Variants in CDH12 observed in about 807,000 individuals in gnomAD.
CDH12 encodes the protein cadherin-12.
Under a neutral mutation model 74.1 loss-of-function variants are expected in CDH12, and 41 were observed. That is an observed-to-expected ratio of 0.55 (90% CI 0.43 to 0.72). The LOEUF is 0.72. Ranked by LOEUF, CDH12 falls within the 30% of genes least tolerant of loss-of-function variation. The pLI is 0.00. For missense variants in CDH12, 945 were observed against 977.2 expected, an observed-to-expected ratio of 0.97 and a Z score of 0.44; for synonymous variants, 399 against 355.0, an observed-to-expected ratio of 1.12 and a Z score of -1.39.
At chr5:22,720,983 G>C (rs545271416) in intron 1 of CDH12, among the ~76,000 whole-genome samples, 1 of 152,350 alleles carries the variant, frequency 6.6e-6, no homozygotes, top group East Asian at 1.9e-4. Flanking sequence ...CCTATTTTCT[G>C]TGGAGAAATT....
At chr5:22,041,622 ATTATATATGCACC>A (rs1739577957) in intron 5 of CDH12, among the ~76,000 whole-genome samples, 1 of 152,176 alleles carries the variant, frequency 6.6e-6, no homozygotes, top group South Asian at 2.1e-4. Flanking sequence ...AGATGTAACA[ATTATATATGCACC>A]TAACATCAGA....
intron 8 of CDH12, among the ~76,000 whole-genome samples, chr5:21,834,027 G>A (rs1749392181): frequency 6.6e-6 from 1 of 151,750 alleles, no homozygotes. Flanking sequence ...ATGTATCTTT[G>A]CTTATTTTTC....
At chr5:22,072,550 G>GTGTA (rs1472083614) in intron 5 of CDH12, among the ~76,000 whole-genome samples, 2 of 151,710 alleles carry the variant, frequency 1.3e-5, no homozygotes, top group Non-Finnish European at 2.9e-5. Context: ...GTGTGTGTGT[G>GTGTA]TGTGTGTGTG....
At chr5:21,980,306 G>A (rs1217401886) in intron 5 of CDH12, among the ~76,000 whole-genome samples, 1 of 151,816 alleles carries the variant, frequency 6.6e-6, no homozygotes, top group African/African-American at 2.4e-5. Context: ...TATATTTCCT[G>A]GCGAGAGGTA....
At chr5:21,889,634 A>C in intron 6 of CDH12, 1 of 985,358 alleles carries the variant, frequency 1.0e-6, no homozygotes, top group Non-Finnish European at 1.2e-6. Context: ...GGCTTTGATA[A>C]CACAGCTTTC....
chr5:22,000,467 C>A (rs561877904), intron 5 of CDH12, among the ~76,000 whole-genome samples: 1 of 152,220 alleles, frequency 6.6e-6, no homozygotes, highest in African/African-American at 2.4e-5. Context: ...CAGGAGGACT[C>A]AACTTTGGTG....
At chr5:22,508,566 T>C (rs143645149) in intron 1 of CDH12, among the ~76,000 whole-genome samples, 4,143 of 152,224 alleles carry the variant, frequency 0.027, 190 homozygotes, top group African/African-American at 0.095. Context: ...AAGATCTGAA[T>C]AGGAAGCATT....
At chr5:22,044,088 T>TA (rs1739761754) in intron 5 of CDH12, among the ~76,000 whole-genome samples, 1 of 152,086 alleles carries the variant, frequency 6.6e-6, no homozygotes, top group South Asian at 2.1e-4. Flanking sequence ...AAAAAAATCC[T>TA]AAAAATCACA....
intron 1 of CDH12, among the ~76,000 whole-genome samples, chr5:22,830,637 C>A (rs1736559003): frequency 1.3e-5 from 2 of 150,758 alleles, no homozygotes; most frequent in Admixed American, 1.3e-4. Context: ...TCTATATTTT[C>A]TGTTTCTAAT....
chr5:22,174,383 T>C (rs1271614897), intron 4 of CDH12, among the ~76,000 whole-genome samples: 2 of 152,032 alleles, frequency 1.3e-5, no homozygotes, highest in Non-Finnish European at 2.9e-5. Context: ...AGTATGACTA[T>C]GTCCCTAATA....
intron 5 of CDH12, 62 bp from the exon 6 acceptor site, chr5:21,975,447 T>C (rs1757029632): frequency 8.6e-7 from 1 of 1,166,730 alleles, no homozygotes; most frequent in African/African-American, 1.6e-5. Context: ...AGAACACCAT[T>C]AAAAGGATGT....
chr5:22,147,646 T>C (rs1281961015), intron 4 of CDH12, among the ~76,000 whole-genome samples: 1 of 149,974 alleles, frequency 6.7e-6, no homozygotes, highest in Non-Finnish European at 1.5e-5. Context: ...TGGGGAGGCC[T>C]CACAATCATG....
At chr5:21,877,000 G>A (rs955166730) in intron 6 of CDH12, among the ~76,000 whole-genome samples, 22 of 152,262 alleles carry the variant, frequency 1.4e-4, no homozygotes, top group Middle Eastern at 3.4e-3. Context: ...ACCAGGAATT[G>A]GAGAACAGCC....
intron 2 of CDH12, among the ~76,000 whole-genome samples, chr5:22,418,239 T>C (rs1354311717): frequency 6.6e-6 from 1 of 150,470 alleles, no homozygotes; most frequent in Non-Finnish European, 1.5e-5. Flanking sequence ...ACGATTTGGC[T>C]CTTTGTTTGT....
chr5:21,828,423 A>G (rs918769780), intron 8 of CDH12, among the ~76,000 whole-genome samples: 10 of 152,208 alleles, frequency 6.6e-5, no homozygotes, highest in Non-Finnish European at 1.5e-4. Context: ...AGCCTGGCCA[A>G]AAACACTGAA....
At chr5:22,641,077 C>CA (rs1405684878) in intron 1 of CDH12, among the ~76,000 whole-genome samples, 3 of 152,136 alleles carry the variant, frequency 2.0e-5, no homozygotes, top group Non-Finnish European at 4.4e-5. Flanking sequence ...CACATACGTA[C>CA]ATACATAGAT....
At chr5:22,066,362 G>A (rs1741562340) in intron 5 of CDH12, among the ~76,000 whole-genome samples, 1 of 152,030 alleles carries the variant, frequency 6.6e-6, no homozygotes, top group Non-Finnish European at 1.5e-5. Context: ...TTTTATCAGG[G>A]TGACTGTACT....
At chr5:22,452,018 G>A (rs1911962) in intron 2 of CDH12, among the ~76,000 whole-genome samples, 71,900 of 151,412 alleles carry the variant, frequency 0.47, 17,445 homozygotes, top group Admixed American at 0.64. Context: ...TTTAACCAAT[G>A]AGGTGAAATA....
intron 6 of CDH12, among the ~76,000 whole-genome samples, chr5:21,873,325 T>C (rs187110521): frequency 1.8e-4 from 27 of 152,262 alleles, no homozygotes; most frequent in Admixed American, 5.9e-4. Flanking sequence ...ATAATGCGTG[T>C]TTAAGAAGTA....
Sources: allele counts gnomAD v4.1 joint callset (sites outside exome capture counted in the v4.1 genomes callset), GRCh38; gene constraint gnomAD v4.1.1; transcripts MANE v1.5; gene names NCBI Gene and HGNC (gene_info 2026-07-23, HGNC 2026-07-21).